Variants in ACSM2B observed in about 807,000 individuals in gnomAD.
ACSM2B encodes acyl-CoA synthetase medium chain family member 2B, also known as acyl-coenzyme A synthetase ACSM2B, mitochondrial.
A neutral mutation model predicts 78.6 loss-of-function variants in ACSM2B; 58 were observed. The observed-to-expected ratio is 0.74, with a 90% CI of 0.60 to 0.92. The LOEUF (loss-of-function observed/expected upper bound fraction) is 0.92, where lower values mean the gene tolerates loss of function less well. Among genes scored for constraint, ACSM2B ranks in the 40% least tolerant of loss-of-function variants. The pLI is 0.00. For missense variants in ACSM2B, 688 were observed against 711.2 expected (o/e 0.97, Z 0.37); for synonymous variants, 257 against 256.8 (o/e 1.00, Z -0.01).
intron 4 of ACSM2B, chr16:20,554,174 A>G (rs1319191029): frequency 3.1e-6 from 2 of 642,324 alleles, no homozygotes; most frequent in East Asian, 3.3e-5. Flanking sequence ...GTCTCACTTT[A>G]TATCTGCAAA....
chr16:20,563,654 AT>A (rs1422737270), intron 2 of ACSM2B, among the ~76,000 whole-genome samples: 41 of 151,124 alleles, frequency 2.7e-4, no homozygotes, highest in Non-Finnish European at 5.5e-4. Flanking sequence ...GTTGAACCTT[AT>A]TTTTTTTAAG....
intron 6 of ACSM2B, among the ~76,000 whole-genome samples, chr16:20,548,956 G>A (rs1204537479): frequency 6.6e-6 from 1 of 152,160 alleles, no homozygotes; most frequent in African/African-American, 2.4e-5. Flanking sequence ...AAAAGCTAAA[G>A]ACATCTATAG....
rs1037524742 is a variant in ACSM2B, at chr16:20,543,634, C to A, written c.1282-372G>T. On this transcript the variant is annotated intron_variant, in intron 10 of 13. Transcript: ENST00000329697. Reference sequence around the variant, plus strand: ...TCAAAGCTATCATTTTGATTAGGTACTTTTCTTAGCTTCTTTGTAAATTTG... The same window carrying A: ...TCAAAGCTATCATTTTGATTAGGTAATTTTCTTAGCTTCTTTGTAAATTTG... 9.9e-5 allele frequency among the ~76,000 whole-genome samples: 15 copies of A among 152,262 alleles called. No homozygotes were observed. The South Asian group carries it at 1.4e-3, about 15-fold the overall frequency.
At chr16:20,547,944 T>G in intron 8 of ACSM2B, 118 bp downstream of exon 8, 2 of 1,547,248 alleles carry the variant, frequency 1.3e-6, no homozygotes, top group Non-Finnish European at 1.7e-6. Flanking sequence ...TCACAGAGGC[T>G]CAATAAATAT....
chr16:20,559,968 T>C (rs954338371), intron 2 of ACSM2B, among the ~76,000 whole-genome samples: 2 of 151,128 alleles, frequency 1.3e-5, no homozygotes, highest in South Asian at 4.2e-4. Context: ...GATTTATTTA[T>C]ATATTTATCT....
Position 20,564,696 on chromosome 16 carries a change from C to G in ACSM2B, c.150G>C (p.Val50=), listed in dbSNP as rs1269471410. 3.7e-6 allele frequency: 6 copies of G among 1,613,690 alleles called. No individual in the cohort carries two copies. The highest frequency in any genetic ancestry group is 1.1e-5 in the South Asian group (1 of 91,060). ...VPAKFNFASD[V]LDHWADMEKA... Reference sequence around the variant, plus strand: ...TCTCCATGTCAGCCCAGTGATCCAACACATCACTAGCAAAGTTAAACTTGG... The same window carrying G: ...TCTCCATGTCAGCCCAGTGATCCAAGACATCACTAGCAAAGTTAAACTTGG... Residue 50 remains valine, a synonymous_variant, in exon 2 of 14, where the codon GTG becomes GTC. Coordinates refer to ENST00000329697, the MANE Select transcript of ACSM2B (RefSeq NM_001105069.2).
intron 10 of ACSM2B, among the ~76,000 whole-genome samples, chr16:20,543,938 C>G (rs2015068331): frequency 6.6e-6 from 1 of 152,172 alleles, no homozygotes. Flanking sequence ...TCAGAGACAT[C>G]AAGAGTTTAG....
chr16:20,559,033 T>C (rs1411305689), intron 3 of ACSM2B, among the ~76,000 whole-genome samples: 1 of 152,242 alleles, frequency 6.6e-6, no homozygotes, highest in Non-Finnish European at 1.5e-5. Flanking sequence ...ATGTAAACTA[T>C]GTCATTGTTG....
intron 6 of ACSM2B, 139 bp from the exon 7 acceptor site, chr16:20,548,612 A>C: frequency 6.5e-7 from 1 of 1,549,458 alleles, no homozygotes; most frequent in South Asian, 1.2e-5. Flanking sequence ...TGTCTGATTC[A>C]AGTTAAATGA....
chr16:20,561,301 T>G (rs2015647899), intron 2 of ACSM2B, among the ~76,000 whole-genome samples: 1 of 151,404 alleles, frequency 6.6e-6, no homozygotes. Flanking sequence ...TGGCTCACAG[T>G]TATGCAGGGT....
At chr16:20,562,803 C>T (rs1193750104) in intron 2 of ACSM2B, among the ~76,000 whole-genome samples, 1 of 152,138 alleles carries the variant, frequency 6.6e-6, no homozygotes, top group East Asian at 1.9e-4. Context: ...CCAGTTGCTT[C>T]TGTAGTTAAC....
chr16:20,538,825 T>C (rs1437751233), intron 13 of ACSM2B, among the ~76,000 whole-genome samples: 1 of 152,110 alleles, frequency 6.6e-6, no homozygotes, highest in Admixed American at 6.5e-5. Flanking sequence ...AACCCGACAG[T>C]CTGATTCCTG....
intron 9 of ACSM2B, among the ~76,000 whole-genome samples, chr16:20,545,517 T>C (rs1200550267): frequency 1.3e-5 from 2 of 152,180 alleles, no homozygotes; most frequent in African/African-American, 2.4e-5. Context: ...GGAGCTCAGA[T>C]AAAATAATAG....
chr16:20,551,778 C>T (rs1567209992), intron 6 of ACSM2B, among the ~76,000 whole-genome samples: 1 of 152,154 alleles, frequency 6.6e-6, no homozygotes, highest in Non-Finnish European at 1.5e-5. Context: ...AACACACACA[C>T]ACACTCATGA....
intron 12 of ACSM2B, 50 bp downstream of exon 12, chr16:20,542,864 T>A: frequency 6.2e-7 from 1 of 1,608,236 alleles, no homozygotes; most frequent in Non-Finnish European, 8.5e-7. Flanking sequence ...CATACTACAC[T>A]GCCCTTGTGT....
In ACSM2B at chr16:20,548,404, C is replaced by G; in HGVS notation, c.964G>C (p.Asp322His). Residue 322 changes from aspartate to histidine, a missense_variant, in exon 7 of 14, where the codon GAT becomes CAT. Transcript: ENST00000329697. Reference protein sequence around the residue: ...PIVYRMLLQQDLSSYKFPHLQ... With the variant: ...PIVYRMLLQQHLSSYKFPHLQ... ...TCAAAGCCCCATCACCTGGAAAGAT[C>G]CTGCTGTAGCAACATCCGGTAAACA... The G allele has an allele frequency of 6.2e-7, 1 of 1,613,602 alleles. No homozygotes were observed. Among genetic ancestry groups the G allele is most frequent in the South Asian group, 1.1e-5 (1 of 91,046 alleles).
chr16:20,547,249 C>T, intron 8 of ACSM2B: 13 of 985,578 alleles, frequency 1.3e-5, no homozygotes, highest in African/African-American at 1.7e-5. Context: ...CTAAACATGT[C>T]CTCCTCTGAA....
intron 1 of ACSM2B, chr16:20,574,458 G>C (rs1270707684): frequency 3.9e-5 from 6 of 151,982 alleles, no homozygotes; most frequent in Non-Finnish European, 7.4e-5. Flanking sequence ...CTATAAGAGT[G>C]TTAATTGGGA....
chr16:20,566,734 GT>G, intron 1 of ACSM2B, among the ~76,000 whole-genome samples: 1 of 6,322 alleles, frequency 1.6e-4, no homozygotes, highest in South Asian at 4.8e-3. Flanking sequence ...ACTATATATA[GT>G]ATATACTATA....
Sources: allele counts gnomAD v4.1 joint callset (sites outside exome capture counted in the v4.1 genomes callset), GRCh38; gene constraint gnomAD v4.1.1; transcripts MANE v1.5; gene names NCBI Gene and HGNC (gene_info 2026-07-23, HGNC 2026-07-21).